ARID3A: variants seen among roughly 807,000 people sequenced by gnomAD.
ARID3A encodes AT-rich interactive domain-containing protein 3A.
Under a neutral mutation model 52.7 loss-of-function variants are expected in ARID3A, and 11 were observed. The ratio of observed to expected loss-of-function variants is 0.21; its 90% confidence interval spans 0.13 to 0.35. The LOEUF is 0.35. Ranked by LOEUF, ARID3A falls within the 10% of genes least tolerant of loss-of-function variation. The probability of loss-of-function intolerance (pLI) is 1.00; values close to 1 mark genes in which losing one functional copy is unlikely to be tolerated. For synonymous variants in ARID3A, 404 were observed against 359.4 expected (o/e 1.12, Z -1.40); for missense variants, 721 against 838.5 (o/e 0.86, Z 1.73).
intron 1 of ARID3A, among the ~76,000 whole-genome samples, chr19:926,438 C>G (rs990103454): frequency 6.6e-6 from 1 of 150,996 alleles, no homozygotes; most frequent in Admixed American, 6.6e-5. Flanking sequence ...GATCGGGGGT[C>G]GCGAGTGCGC....
At chr19:935,329 G>C (rs2037417036) in intron 3 of ARID3A, among the ~76,000 whole-genome samples, 1 of 152,210 alleles carries the variant, frequency 6.6e-6, no homozygotes, top group African/African-American at 2.4e-5. Flanking sequence ...TGCTGCCTGG[G>C]GCCTGGGGAC....
In ARID3A at chr19:968,564, G is replaced by C. The variant is rs549292986; in HGVS notation, c.1594+61G>C. On this transcript the variant is annotated intron_variant, in intron 8 of 8. Coordinates refer to ENST00000263620, the MANE Select transcript of ARID3A (RefSeq NM_005224.3). ...GCCTCTCCCGCCGCCGTGAACTCAG[G>C]ACCCTGAGTTGCGCCTGGTCCCACC... 7.2e-5 allele frequency: 111 copies of C among 1,531,934 alleles called. No individual in the cohort carries two copies. In the South Asian group the frequency reaches 1.2e-3, roughly 16 times the overall value. The allele number at this position is 1,531,934 out of a possible 1,614,324, so 94.9% of individuals were successfully genotyped here.
chr19:953,505 C>A (rs1460672573), intron 3 of ARID3A, among the ~76,000 whole-genome samples: 2 of 152,020 alleles, frequency 1.3e-5, no homozygotes, highest in Admixed American at 1.3e-4. Flanking sequence ...GGGGGAGTGT[C>A]AGGGTCGGGG....
chr19:937,901 G>A (rs936967776), intron 3 of ARID3A, among the ~76,000 whole-genome samples: 4 of 151,764 alleles, frequency 2.6e-5, no homozygotes, highest in African/African-American at 2.4e-5. Context: ...GTAGAGATGG[G>A]GTTTCACCGT....
At chr19:951,907 G>A (rs349307) in intron 3 of ARID3A, among the ~76,000 whole-genome samples, 110,171 of 151,828 alleles carry the variant, frequency 0.73, 41,048 homozygotes, top group Middle Eastern at 0.88. Context: ...AGGCAGAGGC[G>A]GGAGGATGGC....
chr19:932,836 C>T (rs2037362309), intron 3 of ARID3A, 94 bp downstream of exon 3: 2 of 1,503,260 alleles, frequency 1.3e-6, no homozygotes, highest in African/African-American at 1.4e-5. Flanking sequence ...GTGTGCTGAG[C>T]CGGGCGTCGA....
At chr19:933,315 C>T (rs1292518631) in intron 3 of ARID3A, among the ~76,000 whole-genome samples, 2 of 152,166 alleles carry the variant, frequency 1.3e-5, no homozygotes, top group Non-Finnish European at 1.5e-5. Flanking sequence ...TCAGGGACCC[C>T]AGGCTGAAGG....
At chr19:939,076 G>A (rs560839042) in intron 3 of ARID3A, among the ~76,000 whole-genome samples, 17 of 150,860 alleles carry the variant, frequency 1.1e-4, no homozygotes, top group Admixed American at 2.0e-4. Flanking sequence ...GACTACAGGC[G>A]CGTGCCACCA....
At chr19:967,624 G>A (rs1159874963) in intron 7 of ARID3A, among the ~76,000 whole-genome samples, 5 of 152,098 alleles carry the variant, frequency 3.3e-5, no homozygotes, top group Admixed American at 6.6e-5. Context: ...AATAAATATT[G>A]AGCACCTACT....
chr19:934,751 G>A (rs1226918590), intron 3 of ARID3A, among the ~76,000 whole-genome samples: 2 of 152,104 alleles, frequency 1.3e-5, no homozygotes, highest in African/African-American at 4.8e-5. Flanking sequence ...GGGGGTGGGG[G>A]GAGGCCCCCG....
intron 3 of ARID3A, among the ~76,000 whole-genome samples, chr19:935,335 G>C (rs372812850): frequency 1.3e-5 from 2 of 152,326 alleles, no homozygotes; most frequent in East Asian, 3.9e-4. Flanking sequence ...CTGGGGCCTG[G>C]GGACGTGCAG....
chr19:934,766 G>A (rs1487759995), intron 3 of ARID3A, among the ~76,000 whole-genome samples: 2 of 152,164 alleles, frequency 1.3e-5, no homozygotes, highest in African/African-American at 4.8e-5. Flanking sequence ...CCCCCGCCCT[G>A]CAGTCCTGTG....
chr19:940,210 T>G (rs1333782505), intron 3 of ARID3A, among the ~76,000 whole-genome samples: 1 of 152,150 alleles, frequency 6.6e-6, no homozygotes, highest in Non-Finnish European at 1.5e-5. Flanking sequence ...GTGGCCAACT[T>G]TTTGGCTTCC....
Position 974,873 on chromosome 19 carries a change from TG to T in ARID3A, c.*2814del. ...TGATTGTAGGGACAGGCGGGGTGGG[TG>T]GGGGGTGGGCGCGAGGCTGGGTCCC... On this transcript the variant is annotated 3_prime_UTR_variant, in exon 9 of 9. Coordinates refer to ENST00000263620, the MANE Select transcript of ARID3A (RefSeq NM_005224.3). 2.2e-5 allele frequency: 1 copy of T among 45,252 alleles called. No homozygotes were observed. The highest frequency in any genetic ancestry group is 4.3e-5 in the Non-Finnish European group (1 of 23,034). 2.8% of individuals were successfully genotyped at this position (45,252 alleles called of 1,614,324 possible).
chr19:974,589 C>T lies in ARID3A; in HGVS notation c.*2524C>T, dbSNP rs535993287. On this transcript the variant is annotated 3_prime_UTR_variant, in exon 9 of 9. Coordinates refer to ENST00000263620, the MANE Select transcript of ARID3A (RefSeq NM_005224.3). ...CCTGGGGTGCCTCTCCCCCGCCTCC[C>T]GTGCACCAGGGTCTGCAGCAGCCAC... is the stretch of plus-strand genomic sequence containing the variant. The T allele has an allele frequency of 1.9e-4, 43 of 230,204 alleles. No individual in the cohort carries two copies. The highest frequency in any genetic ancestry group is 3.4e-4 in the Admixed American group (6 of 17,680). 14.3% of individuals were successfully genotyped at this position (230,204 alleles called of 1,614,324 possible). A position where few individuals can be genotyped will look rare whatever the true frequency, so the allele number is the denominator to read the frequency against.
rs1027907494 is a variant in ARID3A, at chr19:932,275, C to T, written c.369-143C>T. ...GGGTGCCCCACGCTGTGCTCATGAGCGCTCTCTGCAGTCTGAGCTGGCGGC... is the reference window on the plus strand; with the variant it reads ...GGGTGCCCCACGCTGTGCTCATGAGTGCTCTCTGCAGTCTGAGCTGGCGGC... On this transcript the variant is annotated intron_variant, in intron 2 of 8. Coordinates refer to ENST00000263620, the MANE Select transcript of ARID3A (RefSeq NM_005224.3). The T allele has an allele frequency of 1.6e-5, 23 of 1,445,076 alleles. No homozygotes were observed. The South Asian group carries it at 1.9e-4, about 12-fold the overall frequency. The allele number at this position is 1,445,076 out of a possible 1,614,324, so 89.5% of individuals were successfully genotyped here.
chr19:962,458 C>T (rs114313276), intron 4 of ARID3A, among the ~76,000 whole-genome samples: 1,591 of 152,056 alleles, frequency 0.01, 25 homozygotes, highest in African/African-American at 0.036. Context: ...CATCCTCCTC[C>T]CGCCCACTGC....
At position 941,073 on chromosome 19, in the gene ARID3A, C is replaced by T. The variant is rs1001628854; in HGVS notation, c.693+8331C>T. Reference sequence around the variant, plus strand: ...GGGGTCACCGCCGCCGCGGCCTGGCCCCACGCCCACCGCCGGCGTCCCACC... The same window carrying T: ...GGGGTCACCGCCGCCGCGGCCTGGCTCCACGCCCACCGCCGGCGTCCCACC... On this transcript the variant is annotated intron_variant, in intron 3 of 8. Transcript: ENST00000263620. The surrounding 1 kb of genome is among the most constrained non-coding windows in gnomAD (Gnocchi z 6.9). 1.3e-5 allele frequency among the ~76,000 whole-genome samples: 2 copies of T among 152,066 alleles called. No homozygotes were observed. The highest frequency in any genetic ancestry group is 2.9e-5 in the Non-Finnish European group (2 of 67,972).
chr19:954,478 A>G (rs1040113787), intron 3 of ARID3A, among the ~76,000 whole-genome samples: 2 of 152,236 alleles, frequency 1.3e-5, no homozygotes, highest in African/African-American at 4.8e-5. Context: ...TTTAACATGC[A>G]TTTATTAGGC....
Sources: allele counts gnomAD v4.1 joint callset (sites outside exome capture counted in the v4.1 genomes callset), GRCh38; gene constraint gnomAD v4.1.1; non-coding constraint Gnocchi (gnomAD v3.1); transcripts MANE v1.5; gene names NCBI Gene and HGNC (gene_info 2026-07-23, HGNC 2026-07-21).